The following HIF3A variants were observed in gnomAD, a reference collection of about 807,000 sequenced individuals.
HIF3A encodes hypoxia inducible factor 3 subunit alpha.
HIF3A carries 41 observed loss-of-function variants against 67.2 expected under a neutral mutation model. The observed-to-expected ratio is 0.61, with a 90% CI of 0.48 to 0.79. The LOEUF (loss-of-function observed/expected upper bound fraction) is 0.79. Among genes scored for constraint, HIF3A ranks in the 30% least tolerant of loss-of-function variants. The pLI is 0.00. For synonymous variants in HIF3A, 356 were observed against 374.8 expected (o/e 0.95, Z 0.58); for missense variants, 855 against 898.0 (o/e 0.95, Z 0.61).
intron 8 of HIF3A, among the ~76,000 whole-genome samples, chr19:46,318,965 C>T (rs927650533): frequency 6.6e-6 from 1 of 152,142 alleles, no homozygotes; most frequent in Non-Finnish European, 1.5e-5. Context: ...GATCACACCA[C>T]TGTGTAAGTA....
chr19:46,305,469 C>T (rs1188198100), intron 3 of HIF3A, 79 bp downstream of exon 3: 1 of 1,383,490 alleles, frequency 7.2e-7, no homozygotes, highest in Non-Finnish European at 1.0e-6. Context: ...ACAGCCATAG[C>T]CCTACCTTTA....
At chr19:46,325,512 G>A (rs1273584560) in intron 10 of HIF3A, 23 bp from the exon 11 acceptor site, 2 of 1,563,936 alleles carry the variant, frequency 1.3e-6, no homozygotes, top group Admixed American at 1.7e-5. Context: ...ATTTCCTGAA[G>A]TTTCTACTCC....
chr19:46,303,849 C>T, intron 1 of HIF3A, 49 bp from the exon 2 acceptor site: 1 of 1,577,866 alleles, frequency 6.3e-7, no homozygotes. Context: ...TCCCGTCCTC[C>T]TTTTCTCTTT....
rs375946648 is a variant in HIF3A, at chr19:46,339,625, C to T, written c.*3C>T. ...CAGGCTCAGCCCAGGCTGACTGAGC[C>T]GGCTCCTCTCCCCATCTGCCTTCTC... On this transcript the variant is annotated 3_prime_UTR_variant, in exon 15 of 15. Coordinates refer to ENST00000377670, the MANE Select transcript of HIF3A (RefSeq NM_152795.4). The T allele has an allele frequency of 4.3e-5, 68 of 1,590,696 alleles. No homozygotes were observed. The Middle Eastern group carries it at 6.9e-4, about 16-fold the overall frequency.
intron 11 of HIF3A, 70 bp from the exon 12 acceptor site, chr19:46,329,137 T>C (rs1970996425): frequency 2.1e-6 from 3 of 1,427,040 alleles, no homozygotes; most frequent in Admixed American, 2.1e-5. Flanking sequence ...GAAGTGATGG[T>C]GCTGGGACTT....
chr19:46,313,158 C>T (rs1245791058), intron 8 of HIF3A: 3 of 548,188 alleles, frequency 5.5e-6, no homozygotes, highest in Non-Finnish European at 7.0e-6. Flanking sequence ...GGCTGAGGCA[C>T]GAGAATCATT....
chr19:46,317,894 G>A (rs1970043618), intron 8 of HIF3A, among the ~76,000 whole-genome samples: 3 of 151,352 alleles, frequency 2.0e-5, no homozygotes, highest in Admixed American at 6.6e-5. Flanking sequence ...ACTGGAGTGC[G>A]GTGGCACAAC....
At chr19:46,324,986 TGTG>T (rs1970669894) in intron 10 of HIF3A, among the ~76,000 whole-genome samples, 1 of 55,538 alleles carries the variant, frequency 1.8e-5, no homozygotes, top group Non-Finnish European at 3.2e-5. Context: ...ACACATATAT[TGTG>T]TGTGTGTGTG....
Position 46,331,189 on chromosome 19 carries a change from G to C in HIF3A, c.1746G>C (p.Glu582Asp). The C allele has an allele frequency of 6.2e-7, 1 of 1,614,028 alleles. No homozygotes were observed. Among genetic ancestry groups the C allele is most frequent in the South Asian group, 1.1e-5 (1 of 91,070 alleles). The stretch of plus-strand genomic sequence containing the variant: ...CCCAGAGCTCAGAGGACGAGGACGA[G>C]GGAGTGGAGCTGCTGGGAGTGAGAC... ...TLAQSSEDED[E>D]GVELLGVRPP... The change falls in exon 13 of 15, where the codon GAG becomes GAC. Residue 582 changes from glutamate (E) to aspartate (D), a missense_variant. Physicochemically the swap from Glu to Asp is conservative, Grantham distance 45. Around this residue, in one of 3 missense-constraint regions of HIF3A, gnomAD observed 199 missense variants for 193.8 expected, o/e 1.03. Transcript: ENST00000377670.
intron 10 of HIF3A, 126 bp from the exon 11 acceptor site, chr19:46,325,409 G>T: frequency 1.5e-6 from 1 of 679,586 alleles, no homozygotes; most frequent in Non-Finnish European, 2.6e-6. Flanking sequence ...TTTGCCGTTG[G>T]ACCCCCTTTG....
chr19:46,321,491 G>A (rs534116593), intron 9 of HIF3A, among the ~76,000 whole-genome samples: 2 of 152,308 alleles, frequency 1.3e-5, no homozygotes, highest in South Asian at 4.2e-4. Context: ...GACTGAGGCA[G>A]GAGAATTGCT....
At chr19:46,304,931 C>T (rs1968698473) in intron 2 of HIF3A, 2 of 429,396 alleles carry the variant, frequency 4.7e-6, no homozygotes, top group Admixed American at 6.9e-5. Context: ...TATTTTGACC[C>T]TGGGGAGTTC....
intron 10 of HIF3A, among the ~76,000 whole-genome samples, chr19:46,323,686 GA>G (rs1357463416): frequency 1.3e-5 from 2 of 152,010 alleles, no homozygotes; most frequent in Non-Finnish European, 2.9e-5. Flanking sequence ...AATTTATAAA[GA>G]AAAAAAGATT....
intron 4 of HIF3A, 128 bp from the exon 5 acceptor site, chr19:46,308,535 A>G: frequency 4.6e-6 from 3 of 653,252 alleles, no homozygotes; most frequent in Non-Finnish European, 7.9e-6. Context: ...CCCCTGGGGG[A>G]CCCTCTCTGG....
Position 46,334,922 on chromosome 19 carries a change from A to C in HIF3A, c.1848A>C (p.Gly616=). The C allele has an allele frequency of 1.2e-6, 2 of 1,609,264 alleles. No homozygotes were observed. Among genetic ancestry groups the C allele is most frequent in the Non-Finnish European group, 1.7e-6 (2 of 1,177,824 alleles). The stretch of plus-strand genomic sequence containing the variant: ...TCCCACAGAGTTTCCTTCTGACAGG[A>C]GGACCAGCCCCAGGGAGCCTGCAGG... ...FPLSLSFLLT[G]GPAPGSLQDP... is the part of the protein sequence containing the mutation. Residue 616 remains glycine (G), a synonymous_variant, in exon 14 of 15, where the codon GGA becomes GGC. Coordinates refer to ENST00000377670, the MANE Select transcript of HIF3A (RefSeq NM_152795.4).
At chr19:46,307,100 C>T (rs56338777) in intron 3 of HIF3A, among the ~76,000 whole-genome samples, 53,878 of 151,884 alleles carry the variant, frequency 0.35, 10,516 homozygotes, top group African/African-American at 0.51. Flanking sequence ...TGTTCAGCAG[C>T]TTTTTAAATG....
rs1968579709 is a variant in HIF3A, at chr19:46,304,010, G to A, written c.139G>A (p.Val47Ile). ...TCACACGCTGCCCTTCGCCCGCGGC[G>A]TCAGCGCCCACCTGGACAAGGCCTC... is the stretch of plus-strand genomic sequence containing the variant. ...LAHTLPFARG[V>I]SAHLDKASIM... is the part of the protein sequence containing the mutation. Residue 47 changes from valine to isoleucine, a missense_variant, in exon 2 of 15, where the codon GTC (valine) becomes ATC (isoleucine). Physicochemically the swap from Val to Ile is conservative, Grantham distance 29. This residue lies in a region of HIF3A where 638 missense variants were observed against 660.5 expected (regional missense o/e 0.97). Coordinates refer to ENST00000377670, the MANE Select transcript of HIF3A (RefSeq NM_152795.4). 1.9e-6 allele frequency: 3 copies of A among 1,594,408 alleles called. No homozygotes were observed. In the South Asian group the frequency reaches 3.4e-5, roughly 18 times the overall value.
At chr19:46,331,040 C>G in intron 12 of HIF3A, 116 bp from the exon 13 acceptor site, 1 of 682,974 alleles carries the variant, frequency 1.5e-6, no homozygotes, top group East Asian at 2.6e-5. Context: ...GGGTGTATGA[C>G]TAAAGGAATA....
At chr19:46,324,214 A>T (rs1970591219) in intron 10 of HIF3A, among the ~76,000 whole-genome samples, 1 of 152,252 alleles carries the variant, frequency 6.6e-6, no homozygotes, top group Non-Finnish European at 1.5e-5. Flanking sequence ...TAAAAGAAAG[A>T]TAATAACATG....
Sources: allele counts gnomAD v4.1 joint callset (sites outside exome capture counted in the v4.1 genomes callset), GRCh38; gene constraint gnomAD v4.1.1; regional missense constraint gnomAD v4.1.1; transcripts MANE v1.5; gene names NCBI Gene and HGNC (gene_info 2026-07-23, HGNC 2026-07-21).